Variants in ELFN1 observed in about 807,000 individuals in gnomAD.
The protein encoded by ELFN1 is protein ELFN1.
ELFN1 carries 6 observed loss-of-function variants against 7.6 expected under a neutral mutation model. The observed-to-expected ratio is 0.79, with a 90% CI of 0.43 to 1.56. The LOEUF (loss-of-function observed/expected upper bound fraction) is 1.56, where lower values mean the gene tolerates loss of function less well. Ranked by LOEUF, ELFN1 falls within the 40% of genes most tolerant of loss-of-function variation. ELFN1 has a pLI of 0.01. For synonymous variants in ELFN1, 657 were observed against 588.1 expected (o/e 1.12, Z -1.70); for missense variants, 1,169 against 1,232.2 (o/e 0.95, Z 0.77).
chr7:1,692,717 C>G (rs1024637872), intron 2 of ELFN1: 1 of 153,484 alleles, frequency 6.5e-6, no homozygotes, highest in Non-Finnish European at 1.5e-5. Flanking sequence ...TCCTGGGGCT[C>G]CCTCCCCTCA....
chr7:1,685,748 C>T (rs1366255404), intron 1 of ELFN1, among the ~76,000 whole-genome samples: 1 of 149,420 alleles, frequency 6.7e-6, no homozygotes, highest in African/African-American at 2.4e-5. Context: ...TCTTTGACTG[C>T]ATTTATATTA....
intron 2 of ELFN1, among the ~76,000 whole-genome samples, chr7:1,689,587 A>C (rs1322762711): frequency 6.6e-6 from 1 of 152,134 alleles, no homozygotes; most frequent in Non-Finnish European, 1.5e-5. Context: ...CAGACCCTTG[A>C]GATGCTGTGG....
At chr7:1,728,702 G>A (rs1780259465) in intron 3 of ELFN1, among the ~76,000 whole-genome samples, 1 of 152,192 alleles carries the variant, frequency 6.6e-6, no homozygotes, top group Non-Finnish European at 1.5e-5. Context: ...CCAGGGTGAT[G>A]TTAGTATTTT....
chr7:1,744,869 C>T lies in ELFN1; in HGVS notation c.273C>T (p.Leu91=), dbSNP rs1780730391. The T allele has an allele frequency of 6.4e-7, 1 of 1,572,582 alleles. No homozygotes were observed. The highest frequency in any genetic ancestry group is 1.9e-5 in the Admixed American group (1 of 53,486). Residue 91 remains leucine (L), a synonymous_variant, in exon 4 of 4, where the codon CTC becomes CTT. Transcript: ENST00000424383. ...SRFGNLTYLN[L]TKNEIGYIED... ...TTGGCAACCTCACGTACCTCAACCTCACCAAGAACGAGATCGGCTACATCG... is the reference window on the plus strand; with the variant it reads ...TTGGCAACCTCACGTACCTCAACCTTACCAAGAACGAGATCGGCTACATCG...
At chr7:1,679,574 G>A (rs1435381047) in intron 1 of ELFN1, among the ~76,000 whole-genome samples, 2 of 152,208 alleles carry the variant, frequency 1.3e-5, no homozygotes, top group Non-Finnish European at 2.9e-5. Context: ...TCCCTACCGA[G>A]CTCTCCCGGG....
At chr7:1,734,746 G>A (rs1780400659) in intron 3 of ELFN1, among the ~76,000 whole-genome samples, 1 of 151,334 alleles carries the variant, frequency 6.6e-6, no homozygotes, top group African/African-American at 2.4e-5. Context: ...CACCCAGGCT[G>A]GAACACAGTG....
At chr7:1,702,225 C>G (rs574105290) in intron 2 of ELFN1, among the ~76,000 whole-genome samples, 17 of 152,264 alleles carry the variant, frequency 1.1e-4, no homozygotes, top group Admixed American at 5.9e-4. Context: ...GAGATTGAGA[C>G]CATCCTGGCT....
intron 3 of ELFN1, among the ~76,000 whole-genome samples, chr7:1,709,913 A>G (rs1330429989): frequency 6.6e-6 from 1 of 152,230 alleles, no homozygotes; most frequent in Admixed American, 6.5e-5. Flanking sequence ...AATAGCAGAT[A>G]TGTCCTCTCT....
At chr7:1,720,707 TG>T (rs1252088581) in intron 3 of ELFN1, among the ~76,000 whole-genome samples, 1 of 152,094 alleles carries the variant, frequency 6.6e-6, no homozygotes, top group Non-Finnish European at 1.5e-5. Flanking sequence ...CTTCCGGTGG[TG>T]GGATCCCTTC....
intron 3 of ELFN1, among the ~76,000 whole-genome samples, chr7:1,715,275 A>C (rs1466683089): frequency 6.6e-6 from 1 of 152,174 alleles, no homozygotes; most frequent in African/African-American, 2.4e-5. Flanking sequence ...TGGTATTCAC[A>C]AGGCTGCATG....
rs141599169 is a variant in ELFN1 at position 1,676,680 on chromosome 7, G to A, written c.-549+6326G>A. ...CCTGCTGTGCAAAGAGACAGGGAAG[G>A]AGGATGCTGGGGAAGGGAGAGCAGG... is the stretch of plus-strand genomic sequence containing the variant. On this transcript the variant is annotated intron_variant, in intron 1 of 3. Transcript: ENST00000424383. Among the ~76,000 whole-genome samples the A allele has an allele frequency of 6.6e-5, 10 of 152,346 alleles. No individual in the cohort carries two copies. The South Asian group carries it at 1.2e-3, about 19-fold the overall frequency.
At chr7:1,714,553 A>G (rs1779771396) in intron 3 of ELFN1, among the ~76,000 whole-genome samples, 1 of 152,370 alleles carries the variant, frequency 6.6e-6, no homozygotes. Flanking sequence ...ATAAAAATAA[A>G]TTCAGTGGAA....
rs2128572365 is a variant in ELFN1 at position 1,670,999 on chromosome 7, G to C, written c.-549+645G>C. Among the ~76,000 whole-genome samples, 1 of 152,294 alleles carries C rather than the reference G, an allele frequency of 6.6e-6. No individual in the cohort carries two copies. Among genetic ancestry groups the C allele is most frequent in the Non-Finnish European group, 1.5e-5 (1 of 68,012 alleles). ...GTGCTTTCCACCCCTCGCCCCACCTGGAGTCCATCCTCGTCCTCGTCCCTC... is the reference window on the plus strand; with the variant it reads ...GTGCTTTCCACCCCTCGCCCCACCTCGAGTCCATCCTCGTCCTCGTCCCTC... On this transcript the variant is annotated intron_variant, in intron 1 of 3. Transcript: ENST00000424383. The surrounding 1 kb of genome is among the most constrained non-coding windows in gnomAD (Gnocchi z 6.4).
intron 1 of ELFN1, among the ~76,000 whole-genome samples, chr7:1,681,909 C>T (rs928414367): frequency 2.0e-5 from 3 of 152,268 alleles, no homozygotes; most frequent in South Asian, 2.1e-4. Flanking sequence ...GATAAAATGT[C>T]TATTCAAATC....
At chr7:1,693,230 G>A (rs1005807472) in intron 2 of ELFN1, 3 of 410,574 alleles carry the variant, frequency 7.3e-6, no homozygotes, top group Admixed American at 5.2e-5. Context: ...TGGCCGCGTG[G>A]ACACCTTAAG....
chr7:1,720,573 C>T (rs1779988959), intron 3 of ELFN1, among the ~76,000 whole-genome samples: 1 of 152,208 alleles, frequency 6.6e-6, no homozygotes, highest in Non-Finnish European at 1.5e-5. Flanking sequence ...AGGTGGTAGA[C>T]CAGATGGCTC....
chr7:1,728,179 CAGA>C (rs1315933454), intron 3 of ELFN1, among the ~76,000 whole-genome samples: 1 of 151,908 alleles, frequency 6.6e-6, no homozygotes, highest in Non-Finnish European at 1.5e-5. Context: ...CGGGTGAGAA[CAGA>C]AGGTCTCCCC....
Position 1,679,995 on chromosome 7 carries a change from G to A in ELFN1, c.-548-8063G>A, listed in dbSNP as rs1350681898. Among the ~76,000 whole-genome samples the A allele has an allele frequency of 2.6e-5, 4 of 152,268 alleles. No homozygotes were observed. In the East Asian group the frequency reaches 5.8e-4, roughly 22 times the overall value. On this transcript the variant is annotated intron_variant, in intron 1 of 3. Transcript: ENST00000424383. ...CGTGTGCCCCTGAGCGCTCCTGTGTGCAGGTGCACAGTTCATTAAACATGA... is the reference window on the plus strand; with the variant it reads ...CGTGTGCCCCTGAGCGCTCCTGTGTACAGGTGCACAGTTCATTAAACATGA...
intron 3 of ELFN1, among the ~76,000 whole-genome samples, chr7:1,743,612 C>T (rs1010607027): frequency 1.3e-5 from 2 of 152,280 alleles, no homozygotes; most frequent in East Asian, 1.9e-4. Context: ...CAGACCGAGA[C>T]CTGGCAGACA....
Sources: gnomAD v4.1 joint callset for allele counts (sites outside exome capture counted in the v4.1 genomes callset) on GRCh38, gnomAD v4.1.1 for gene constraint, Gnocchi (gnomAD v3.1) non-coding constraint, MANE v1.5 for transcripts, NCBI Gene and HGNC (gene_info 2026-07-23, HGNC 2026-07-21) for gene names.